DCDC1: variants seen among roughly 807,000 people sequenced by gnomAD.
The protein encoded by DCDC1 is doublecortin domain-containing protein 1.
DCDC1 carries 200 observed loss-of-function variants against 178.3 expected under a neutral mutation model. That is an observed-to-expected ratio of 1.12 (90% CI 1.00 to 1.26). The LOEUF is 1.26. Ranked by LOEUF, DCDC1 falls within the 50% of genes most tolerant of loss-of-function variation. The pLI is 0.00. For missense variants in DCDC1, 1,983 were observed against 1,749.2 expected, an observed-to-expected ratio of 1.13 and a Z score of -2.38; for synonymous variants, 690 against 604.8, an observed-to-expected ratio of 1.14 and a Z score of -2.07.
chr11:31,237,908 T>C (rs901426238), intron 9 of DCDC1, among the ~76,000 whole-genome samples: 2 of 152,036 alleles, frequency 1.3e-5, no homozygotes, highest in Non-Finnish European at 2.9e-5. Context: ...GCTTAATGAA[T>C]TCAGGGGCTA....
At chr11:31,329,283 C>T (rs755642528) in intron 2 of DCDC1, among the ~76,000 whole-genome samples, 2 of 152,054 alleles carry the variant, frequency 1.3e-5, no homozygotes, top group African/African-American at 4.8e-5. Context: ...CTGATGATGA[C>T]ATTTGAATCC....
chr11:31,009,386 C>A (rs1952034761), intron 20 of DCDC1, among the ~76,000 whole-genome samples: 3 of 151,910 alleles, frequency 2.0e-5, no homozygotes, highest in African/African-American at 7.3e-5. Flanking sequence ...AACAAATTAT[C>A]ACAAATTGAG....
chr11:31,213,446 C>A (rs979060275), intron 9 of DCDC1, among the ~76,000 whole-genome samples: 1 of 151,694 alleles, frequency 6.6e-6, no homozygotes, highest in Non-Finnish European at 1.5e-5. Flanking sequence ...CAGCAGGGGG[C>A]GGTGGCTTAT....
intron 20 of DCDC1, among the ~76,000 whole-genome samples, chr11:30,970,601 G>A (rs1949721638): frequency 6.6e-6 from 1 of 152,086 alleles, no homozygotes; most frequent in African/African-American, 2.4e-5. Context: ...CCCAACAGAG[G>A]AACTGTCACA....
chr11:31,115,553 C>T (rs1010635429), intron 11 of DCDC1, among the ~76,000 whole-genome samples: 9 of 152,098 alleles, frequency 5.9e-5, no homozygotes, highest in Admixed American at 5.2e-4. Context: ...TACTAGAGGT[C>T]TGGTGAAGGA....
chr11:31,261,974 GA>G (rs34548316), intron 8 of DCDC1, among the ~76,000 whole-genome samples: 2 of 149,364 alleles, frequency 1.3e-5, no homozygotes, highest in African/African-American at 2.5e-5. Flanking sequence ...CATTACTGGA[GA>G]AAAAAAAAAG....
intron 2 of DCDC1, among the ~76,000 whole-genome samples, chr11:31,329,384 G>A (rs556698947): frequency 1.5e-4 from 20 of 137,726 alleles, no homozygotes; most frequent in Non-Finnish European, 2.5e-4. Context: ...AGTTGGAGTC[G>A]GGATTTTCCA....
At chr11:31,293,334 G>T (rs1265858619) in intron 6 of DCDC1, among the ~76,000 whole-genome samples, 1 of 152,160 alleles carries the variant, frequency 6.6e-6, no homozygotes, top group East Asian at 1.9e-4. Flanking sequence ...CCGAAGGACA[G>T]TTAGGCCACC....
At chr11:30,998,322 G>A (rs1001044426) in intron 20 of DCDC1, among the ~76,000 whole-genome samples, 4 of 145,408 alleles carry the variant, frequency 2.8e-5, no homozygotes, top group Admixed American at 6.7e-5. Context: ...AAGTGGGGAG[G>A]GGGGAGGAAG....
intron 8 of DCDC1, among the ~76,000 whole-genome samples, chr11:31,262,210 T>C (rs1565513151): frequency 6.6e-6 from 1 of 151,308 alleles, no homozygotes; most frequent in Non-Finnish European, 1.5e-5. Context: ...AAGGCTGCAA[T>C]GAGCTGTGGT....
chr11:31,172,401 T>G (rs191008482), intron 9 of DCDC1, among the ~76,000 whole-genome samples: 3 of 152,226 alleles, frequency 2.0e-5, no homozygotes, highest in Admixed American at 2.0e-4. Flanking sequence ...ATTGATGAGA[T>G]TAAGTTGAAA....
intron 12 of DCDC1, 109 bp downstream of exon 12, chr11:31,110,151 C>T: frequency 1.7e-6 from 1 of 604,710 alleles, no homozygotes; most frequent in Non-Finnish European, 3.0e-6. Flanking sequence ...CTTTACAGAT[C>T]AACAAACCAT....
chr11:30,896,915 CAATA>C (rs1944267569), intron 34 of DCDC1, among the ~76,000 whole-genome samples: 1 of 152,276 alleles, frequency 6.6e-6, no homozygotes, highest in East Asian at 1.9e-4. Context: ...AGCATATGCT[CAATA>C]AATGCTTGTT....
intron 18 of DCDC1, among the ~76,000 whole-genome samples, chr11:31,076,955 G>A (rs561603709): frequency 1.3e-5 from 2 of 152,114 alleles, no homozygotes; most frequent in Non-Finnish European, 2.9e-5. Flanking sequence ...CAGGCTGCCT[G>A]ACCACCTTCT....
chr11:30,984,302 C>T (rs1950533484), intron 20 of DCDC1, among the ~76,000 whole-genome samples: 1 of 152,146 alleles, frequency 6.6e-6, no homozygotes, highest in African/African-American at 2.4e-5. Context: ...CTCTCCCTCA[C>T]CAACAAATAT....
intron 6 of DCDC1, among the ~76,000 whole-genome samples, chr11:31,299,904 C>T (rs1947972731): frequency 6.6e-6 from 1 of 152,058 alleles, no homozygotes; most frequent in African/African-American, 2.4e-5. Context: ...TGTCGCCAAG[C>T]TGGAGTGCAG....
intron 1 of DCDC1, among the ~76,000 whole-genome samples, chr11:31,345,622 T>A (rs1052534557): frequency 6.6e-6 from 1 of 152,112 alleles, no homozygotes; most frequent in African/African-American, 2.4e-5. Context: ...ACATCAAGCA[T>A]ATAAATCCAT....
intron 7 of DCDC1, among the ~76,000 whole-genome samples, chr11:31,279,746 G>T (rs1946284453): frequency 6.6e-6 from 1 of 152,004 alleles, no homozygotes; most frequent in African/African-American, 2.4e-5. Flanking sequence ...GGGGGTGGGG[G>T]GCTAGGCGAG....
At chr11:31,111,433 G>C (rs916368658) in intron 11 of DCDC1, among the ~76,000 whole-genome samples, 1 of 152,044 alleles carries the variant, frequency 6.6e-6, no homozygotes, top group African/African-American at 2.4e-5. Context: ...AATAAAAAGA[G>C]TAGTAATGTC....
Sources: gnomAD v4.1 joint callset for allele counts (sites outside exome capture counted in the v4.1 genomes callset) on GRCh38, gnomAD v4.1.1 for gene constraint, MANE v1.5 for transcripts, NCBI Gene and HGNC (gene_info 2026-07-23, HGNC 2026-07-21) for gene names.